Variants in SPECC1L observed in about 807,000 individuals in gnomAD.
SPECC1L encodes sperm antigen with calponin homology and coiled-coil domains 1 like, also known as cytospin-A.
Under a neutral mutation model 116.8 loss-of-function variants are expected in SPECC1L, and 40 were observed. That is an observed-to-expected ratio of 0.34 (90% CI 0.27 to 0.45). The LOEUF (loss-of-function observed/expected upper bound fraction) is 0.45, where lower values mean the gene tolerates loss of function less well. SPECC1L is among the 20% of genes least tolerant of loss of function. SPECC1L has a pLI of 1.00. For synonymous variants in SPECC1L, 504 were observed against 500.6 expected (o/e 1.01, Z -0.09); for missense variants, 1,110 against 1,373.6 (o/e 0.81, Z 3.03).
intron 11 of SPECC1L, among the ~76,000 whole-genome samples, chr22:24,361,049 CCCTAGG>C (rs749977628): frequency 5.9e-5 from 9 of 152,158 alleles, no homozygotes; most frequent in Non-Finnish European, 1.0e-4. Flanking sequence ...CCTTCCACTC[CCCTAGG>C]CCTCCAAAGT....
intron 14 of SPECC1L, among the ~76,000 whole-genome samples, chr22:24,407,631 C>T (rs1270201924): frequency 2.0e-5 from 3 of 152,000 alleles, no homozygotes; most frequent in Non-Finnish European, 2.9e-5. Context: ...CACAGAGCTC[C>T]ACACGTTATT....
chr22:24,361,404 A>T (rs2041640108), intron 11 of SPECC1L, among the ~76,000 whole-genome samples: 1 of 151,698 alleles, frequency 6.6e-6, no homozygotes, highest in African/African-American at 2.4e-5. Context: ...TAAATAAATA[A>T]ATAAAAAATA....
intron 11 of SPECC1L, among the ~76,000 whole-genome samples, chr22:24,360,197 G>A (rs1295426641): frequency 6.6e-6 from 1 of 152,150 alleles, no homozygotes; most frequent in Admixed American, 6.5e-5. Flanking sequence ...CTTATTTCCT[G>A]AAGAGGGATA....
intron 14 of SPECC1L, among the ~76,000 whole-genome samples, chr22:24,379,542 C>G (rs914734028): frequency 1.6e-4 from 24 of 152,052 alleles, no homozygotes; most frequent in Non-Finnish European, 2.8e-4. Context: ...TATATACATA[C>G]AAATAAACTA....
chr22:24,408,311 A>C (rs1201550943), intron 14 of SPECC1L, among the ~76,000 whole-genome samples: 5 of 152,248 alleles, frequency 3.3e-5, no homozygotes, highest in African/African-American at 1.2e-4. Flanking sequence ...TCATTAGGTC[A>C]TCAGAACCCT....
At chr22:24,388,729 G>A (rs1810213323) in intron 14 of SPECC1L, among the ~76,000 whole-genome samples, 1 of 152,126 alleles carries the variant, frequency 6.6e-6, no homozygotes, top group Admixed American at 6.5e-5. Flanking sequence ...AAATAAACAT[G>A]TTCATAAGTT....
intron 10 of SPECC1L, among the ~76,000 whole-genome samples, chr22:24,346,732 TA>T (rs1448305274): frequency 1.3e-5 from 2 of 152,138 alleles, no homozygotes; most frequent in African/African-American, 4.8e-5. Context: ...TATAAATGAC[TA>T]TATAAGATAA....
intron 1 of SPECC1L, among the ~76,000 whole-genome samples, chr22:24,276,334 A>T (rs2146322939): frequency 6.6e-6 from 1 of 152,334 alleles, no homozygotes; most frequent in Admixed American, 6.5e-5. Context: ...TGAGAGGCTG[A>T]GGCAGGGGGA....
At chr22:24,382,909 G>A (rs1232513182) in intron 14 of SPECC1L, among the ~76,000 whole-genome samples, 1 of 151,908 alleles carries the variant, frequency 6.6e-6, no homozygotes. Context: ...AGAGAAAGAG[G>A]GTAGTAAACT....
chr22:24,312,557 T>C (rs1389650480), intron 3 of SPECC1L, among the ~76,000 whole-genome samples: 3 of 152,216 alleles, frequency 2.0e-5, no homozygotes, highest in Non-Finnish European at 2.9e-5. Flanking sequence ...CCCCCACATA[T>C]CTTTAACTGC....
At chr22:24,326,057 G>A (rs1238757391) in intron 6 of SPECC1L, among the ~76,000 whole-genome samples, 4 of 152,030 alleles carry the variant, frequency 2.6e-5, no homozygotes, top group Non-Finnish European at 4.4e-5. Flanking sequence ...GGGTTCAAGC[G>A]ATTCTCCTGC....
Position 24,331,055 on chromosome 22 carries a change from A to G in SPECC1L, c.2396+624A>G, listed in dbSNP as rs531548191. Among the ~76,000 whole-genome samples the G allele has an allele frequency of 5.9e-5, 9 of 152,334 alleles. No individual in the cohort carries two copies. In the East Asian group the frequency reaches 1.7e-3, roughly 29 times the overall value. ...CTTGTTTTATCTTATAATTGCATGA[A>G]TCTCCACAGTAGGTTTTTTTTCCCC... is the stretch of plus-strand genomic sequence containing the variant. On this transcript the variant is annotated intron_variant, in intron 8 of 16. Coordinates refer to ENST00000314328, the MANE Select transcript of SPECC1L (RefSeq NM_015330.6).
At chr22:24,311,552 C>A (rs1244588205) in intron 3 of SPECC1L, among the ~76,000 whole-genome samples, 1 of 152,084 alleles carries the variant, frequency 6.6e-6, no homozygotes, top group Non-Finnish European at 1.5e-5. Flanking sequence ...CACTTGTAAT[C>A]CCAGCAGTTT....
chr22:24,322,246 T>C lies in SPECC1L; in HGVS notation c.1266T>C (p.Ala422=). The change falls in exon 5 of 17, where the codon GCT becomes GCC. Residue 422 remains alanine (A), a synonymous_variant. Transcript: ENST00000314328. The part of the protein sequence containing the change: ...EELQATLQEL[A]DLQQITQELN... ...TCCAGGCAACCCTGCAAGAGCTAGC[T>C]GATTTACAGCAGATTACCCAGGAAC... 6.2e-7 allele frequency: 1 copy of C among 1,614,184 alleles called. No homozygotes were observed. Among genetic ancestry groups the C allele is most frequent in the South Asian group, 1.1e-5 (1 of 91,086 alleles).
rs574933121 is a variant in SPECC1L, at chr22:24,358,299, G to T, written c.2744-4962G>T. Among the ~76,000 whole-genome samples the T allele has an allele frequency of 3.3e-5, 5 of 151,782 alleles. No homozygotes were observed. In the South Asian group the frequency reaches 1.0e-3, roughly 32 times the overall value. ...CCGGCTAATGTTTTTGTAGAGGTGG[G>T]GTCTTGCTGTGTTGCCCAGGCTGGT... On this transcript the variant is annotated intron_variant, in intron 11 of 16. Coordinates refer to ENST00000314328, the MANE Select transcript of SPECC1L (RefSeq NM_015330.6).
chr22:24,396,748 G>A (rs960511304), intron 14 of SPECC1L, among the ~76,000 whole-genome samples: 2 of 152,114 alleles, frequency 1.3e-5, no homozygotes, highest in African/African-American at 4.8e-5. Flanking sequence ...TGCGTTTCAC[G>A]TGGCCTCTGT....
chr22:24,362,168 G>C (rs1008128396), intron 11 of SPECC1L, among the ~76,000 whole-genome samples: 22 of 152,204 alleles, frequency 1.4e-4, no homozygotes, highest in Non-Finnish European at 2.8e-4. Flanking sequence ...CTGGTCTGAA[G>C]AGTCTTGTCG....
intron 2 of SPECC1L, among the ~76,000 whole-genome samples, chr22:24,280,770 C>A: frequency 6.6e-6 from 1 of 151,846 alleles, no homozygotes; most frequent in South Asian, 2.1e-4. Context: ...GTAGAGGCGG[C>A]GTTTCACCAT....
intron 11 of SPECC1L, among the ~76,000 whole-genome samples, chr22:24,352,466 T>C (rs985662162): frequency 1.3e-5 from 2 of 152,190 alleles, no homozygotes; most frequent in African/African-American, 4.8e-5. Flanking sequence ...GGAAATTTCA[T>C]ACCATTATTA....
Sources: allele counts gnomAD v4.1 joint callset (sites outside exome capture counted in the v4.1 genomes callset), GRCh38; gene constraint gnomAD v4.1.1; transcripts MANE v1.5; gene names NCBI Gene and HGNC (gene_info 2026-07-23, HGNC 2026-07-21).